The following PRUNE2 variants were observed in gnomAD, a reference collection of about 807,000 sequenced individuals.
PRUNE2 encodes prune homolog 2 with BCH domain.
Under a neutral mutation model 252.0 loss-of-function variants are expected in PRUNE2, and 164 were observed. That is an observed-to-expected ratio of 0.65 (90% confidence interval 0.57 to 0.74). PRUNE2 has a LOEUF of 0.74. PRUNE2 is among the 30% of genes least tolerant of loss of function. PRUNE2 has a pLI of 0.00. For missense variants in PRUNE2, 3,495 were observed against 3,711.0 expected (o/e 0.94, Z 1.51); for synonymous variants, 1,292 against 1,350.2 (o/e 0.96, Z 0.94).
At chr9:76,637,612 T>C in intron 13 of PRUNE2, 63 bp from the exon 14 acceptor site, 1 of 1,468,280 alleles carries the variant, frequency 6.8e-7, no homozygotes, top group Non-Finnish European at 9.4e-7. Flanking sequence ...CATAATTACA[T>C]AACATCAAAA....
At position 76,709,853 on chromosome 9, in the gene PRUNE2, A is replaced by G. The variant is rs2046584336; in HGVS notation, c.2421T>C (p.Asp807=). Residue 807 remains aspartate, a synonymous_variant, in exon 8 of 19, where the codon GAT becomes GAC. Transcript: ENST00000376718. ...AGGTATTTTTTAAAGCTTCATCATG[A>G]TCTTCTTTACCAAATGCACTCCAGG... ...FPAWSAFGKE[D]HDEALKNTWN... 4 of 1,613,690 alleles carry G rather than the reference A, an allele frequency of 2.5e-6. No individual in the cohort carries two copies. The South Asian group carries it at 4.4e-5, about 18-fold the overall frequency.
intron 4 of PRUNE2, among the ~76,000 whole-genome samples, chr9:76,835,402 A>G (rs2058903788): frequency 6.6e-6 from 1 of 152,158 alleles, no homozygotes; most frequent in Non-Finnish European, 1.5e-5. Context: ...GGAAAAAGAA[A>G]TACAACTTAG....
chr9:76,814,031 C>T (rs1023744610), intron 6 of PRUNE2, among the ~76,000 whole-genome samples: 1 of 152,212 alleles, frequency 6.6e-6, no homozygotes, highest in Non-Finnish European at 1.5e-5. Context: ...CCAGGCTGGT[C>T]TCTAACTCCC....
At chr9:76,764,513 A>G (rs116714405) in intron 6 of PRUNE2, 3,529 of 152,322 alleles carry the variant, frequency 0.023, 60 homozygotes, top group Middle Eastern at 0.027. Context: ...GCCGAGGGAG[A>G]CCAGGAAGAT....
intron 1 of PRUNE2, among the ~76,000 whole-genome samples, chr9:76,901,874 T>C (rs2063194439): frequency 6.6e-6 from 1 of 152,236 alleles, no homozygotes; most frequent in East Asian, 1.9e-4. Context: ...CACCTTCTTG[T>C]TGAAAACAGC....
At chr9:76,766,048 T>TGGCA (rs2052341992) in intron 6 of PRUNE2, among the ~76,000 whole-genome samples, 1 of 151,732 alleles carries the variant, frequency 6.6e-6, no homozygotes, top group Admixed American at 6.6e-5. Context: ...CCGCGCGTGG[T>TGGCA]GGCAGGCACC....
At chr9:76,859,805 C>T (rs2060453541) in intron 1 of PRUNE2, among the ~76,000 whole-genome samples, 1 of 152,124 alleles carries the variant, frequency 6.6e-6, no homozygotes, top group African/African-American at 2.4e-5. Flanking sequence ...CGGGTTCAAG[C>T]AATTCTCCTG....
Position 76,709,501 on chromosome 9 carries a change from T to C in PRUNE2, c.2773A>G (p.Asn925Asp). 6.2e-7 allele frequency: 1 copy of C among 1,613,962 alleles called. No individual in the cohort carries two copies. Among genetic ancestry groups the C allele is most frequent in the Non-Finnish European group, 8.5e-7 (1 of 1,179,878 alleles). The change falls in exon 8 of 19, where the codon AAT becomes GAT. Residue 925 changes from asparagine (N) to aspartate (D), a missense_variant. Transcript: ENST00000376718. The part of the protein sequence containing the change: ...KVDSWNLFEE[N>D]MKKGGSDVLV... ...ACATCTGACCCTCCTTTCTTCATAT[T>C]CTCCTCAAAAAGGTTCCAGGAATCT...
At chr9:76,737,155 A>G (rs188438472) in intron 6 of PRUNE2, 13 of 152,340 alleles carry the variant, frequency 8.5e-5, no homozygotes, top group Non-Finnish European at 1.5e-4. Flanking sequence ...GCCTTGCTGT[A>G]TAGAAAGCAC....
chr9:76,842,196 AC>A (rs1398770855), intron 4 of PRUNE2, among the ~76,000 whole-genome samples: 1 of 152,146 alleles, frequency 6.6e-6, no homozygotes, highest in African/African-American at 2.4e-5. Context: ...CACATCTACA[AC>A]CATCTGATTT....
At chr9:76,868,837 T>TGGGGGGGGGG (rs111357062) in intron 1 of PRUNE2, 13 of 77,184 alleles carry the variant, frequency 1.7e-4, no homozygotes, top group South Asian at 5.8e-4. Flanking sequence ...CCTTGGGGGG[T>TGGGGGGGGGG]GGGGGGGGGG....
chr9:76,811,702 A>G (rs1464064128), intron 6 of PRUNE2, among the ~76,000 whole-genome samples: 1 of 152,242 alleles, frequency 6.6e-6, no homozygotes, highest in African/African-American at 2.4e-5. Context: ...GCATAAATTT[A>G]TTCAAAAATG....
At chr9:76,832,590 A>C (rs1162758945) in intron 4 of PRUNE2, among the ~76,000 whole-genome samples, 1 of 152,124 alleles carries the variant, frequency 6.6e-6, no homozygotes, top group East Asian at 1.9e-4. Context: ...GTTGTGCTCT[A>C]AGGAAATTTT....
At chr9:76,780,459 G>A (rs550682352) in intron 6 of PRUNE2, among the ~76,000 whole-genome samples, 16 of 152,156 alleles carry the variant, frequency 1.1e-4, no homozygotes, top group African/African-American at 3.4e-4. Flanking sequence ...AGGCCGAGGC[G>A]GGCGGATCAC....
intron 1 of PRUNE2, among the ~76,000 whole-genome samples, chr9:76,879,979 T>G (rs1046485488): frequency 1.6e-4 from 21 of 133,034 alleles, no homozygotes; most frequent in Non-Finnish European, 2.8e-4. Context: ...AGTGGTGCAA[T>G]CTCGACTCAC....
At position 76,751,251 on chromosome 9, in the gene PRUNE2, G is replaced by GACACACACAC. The variant is rs3048276; in HGVS notation, c.757-37540_757-37531dup. Among the ~76,000 whole-genome samples, 238 of 149,244 alleles carry GACACACACAC rather than the reference G, an allele frequency of 1.6e-3. 1 individual carries two copies. The highest frequency in any genetic ancestry group is 5.6e-3 in the African/African-American group (227 of 40,674). ...TGGCAGAAGTTCCCTAGGGGACACA[G>GACACACACAC]ACACACACACACACACACACAGACA... is the stretch of plus-strand genomic sequence containing the variant. On this transcript the variant is annotated intron_variant, in intron 6 of 18. Coordinates refer to ENST00000376718, the MANE Select transcript of PRUNE2 (RefSeq NM_015225.3).
rs114291199 is a variant in PRUNE2 at position 76,709,489 on chromosome 9, C to T, written c.2785G>A (p.Gly929Arg). The change falls in exon 8 of 19, where the codon GGA becomes AGA. Residue 929 changes from glycine to arginine, a missense_variant. Transcript: ENST00000376718. ...CAAGGAACTAGGACATCTGACCCTC[C>T]TTTCTTCATATTCTCCTCAAAAAGG... ...WNLFEENMKK[G>R]GSDVLVPWED... 1.7e-4 allele frequency: 275 copies of T among 1,613,966 alleles called. No homozygotes were observed. In the African/African-American group the frequency reaches 3.3e-3, roughly 19 times the overall value.
Position 76,652,626 on chromosome 9 carries a change from GC to G in PRUNE2, c.8413del (p.Ala2805ProfsTer92). ...DTHPRRIKLT[A>X]PNINLSLDQS... The stretch of plus-strand genomic sequence containing the variant: ...GTCCAGAGAAAGATTGATATTTGGG[GC>G]TGTGAGCTTGATTCTCCGAGGATGA... On this transcript the variant is annotated frameshift_variant, in exon 11 of 19. Coordinates refer to ENST00000376718, the MANE Select transcript of PRUNE2 (RefSeq NM_015225.3). LOFTEE classifies it high-confidence loss of function. The G allele has an allele frequency of 6.2e-7, 1 of 1,613,092 alleles. No individual in the cohort carries two copies. Among genetic ancestry groups the G allele is most frequent in the Non-Finnish European group, 8.5e-7 (1 of 1,179,184 alleles).
At chr9:76,875,279 G>A (rs1313235596) in intron 1 of PRUNE2, among the ~76,000 whole-genome samples, 1 of 152,160 alleles carries the variant, frequency 6.6e-6, no homozygotes, top group Non-Finnish European at 1.5e-5. Context: ...CTTCAGTACT[G>A]GAGATTTCTG....
Sources: allele counts gnomAD v4.1 joint callset (sites outside exome capture counted in the v4.1 genomes callset), GRCh38; gene constraint gnomAD v4.1.1; transcripts MANE v1.5; gene names NCBI Gene and HGNC (gene_info 2026-07-23, HGNC 2026-07-21).